The following DNM3 variants were observed in gnomAD, a reference collection of about 807,000 sequenced individuals.
DNM3 encodes the protein dynamin-3.
Under a neutral mutation model 101.6 loss-of-function variants are expected in DNM3, and 47 were observed. That is an observed-to-expected ratio of 0.46 (90% confidence interval 0.37 to 0.59). The LOEUF (loss-of-function observed/expected upper bound fraction) is 0.59. Ranked by LOEUF, DNM3 falls within the 20% of genes least tolerant of loss-of-function variation. DNM3 has a pLI of 0.00. For missense variants in DNM3, 849 were observed against 1,085.7 expected (o/e 0.78, Z 3.06); for synonymous variants, 385 against 387.9 (o/e 0.99, Z 0.09).
chr1:172,005,865 T>C (rs1182804561), intron 4 of DNM3, among the ~76,000 whole-genome samples: 2 of 152,058 alleles, frequency 1.3e-5, no homozygotes, highest in African/African-American at 2.4e-5. Context: ...ATTTGGTTTG[T>C]GAGTGAAGGA....
chr1:172,314,702 G>A (rs1045737140), intron 16 of DNM3, among the ~76,000 whole-genome samples: 1 of 152,242 alleles, frequency 6.6e-6, no homozygotes, highest in Non-Finnish European at 1.5e-5. Context: ...GCCCGCCATT[G>A]CCCAGGCTTG....
chr1:172,315,295 A>G lies in DNM3; in HGVS notation c.1881+6456A>G, dbSNP rs987333287. On this transcript the variant is annotated intron_variant, in intron 16 of 20. Transcript: ENST00000627582. ...ATAAAACCACAAAGATGGGGAAAAA[A>G]CAGAGCAGAAAAACTGGAAACTCTA... Among the ~76,000 whole-genome samples, 6 of 152,212 alleles carry G rather than the reference A, an allele frequency of 3.9e-5. No homozygotes were observed. In the East Asian group the frequency reaches 9.6e-4, roughly 24 times the overall value.
chr1:172,288,979 C>T (rs764271888), intron 15 of DNM3, among the ~76,000 whole-genome samples: 3 of 151,998 alleles, frequency 2.0e-5, no homozygotes, highest in Non-Finnish European at 2.9e-5. Context: ...CATTAAGTTC[C>T]GTTTCCTAAT....
At chr1:172,404,832 T>C (rs973092265) in intron 20 of DNM3, among the ~76,000 whole-genome samples, 5 of 152,116 alleles carry the variant, frequency 3.3e-5, no homozygotes, top group Non-Finnish European at 7.4e-5. Context: ...TACTTTCATA[T>C]TTGTTTTATT....
At chr1:171,846,057 T>C (rs116683269) in intron 1 of DNM3, among the ~76,000 whole-genome samples, 1 of 152,284 alleles carries the variant, frequency 6.6e-6, no homozygotes, top group African/African-American at 2.4e-5. Context: ...ATTAGATAAA[T>C]GGTGCTTACA....
At chr1:172,257,546 T>C (rs2062455357) in intron 15 of DNM3, among the ~76,000 whole-genome samples, 1 of 152,164 alleles carries the variant, frequency 6.6e-6, no homozygotes. Context: ...CTTATGTTAG[T>C]ATAGCTACAC....
intron 15 of DNM3, among the ~76,000 whole-genome samples, chr1:172,305,556 A>G (rs2064761172): frequency 6.6e-6 from 1 of 152,246 alleles, no homozygotes; most frequent in Admixed American, 6.5e-5. Context: ...TCCTGATACC[A>G]AAGCCTGGCA....
intron 13 of DNM3, among the ~76,000 whole-genome samples, chr1:172,099,094 G>A (rs1330575543): frequency 6.6e-6 from 1 of 152,184 alleles, no homozygotes; most frequent in East Asian, 1.9e-4. Context: ...AGCATGGAAG[G>A]TCAAGAGAGA....
At chr1:172,141,746 C>T (rs977662116) in intron 14 of DNM3, among the ~76,000 whole-genome samples, 10 of 151,798 alleles carry the variant, frequency 6.6e-5, no homozygotes, top group African/African-American at 1.9e-4. Context: ...TTATCTGGGC[C>T]GAAAGCCCGA....
At chr1:171,879,295 T>TA (rs1334588245) in intron 1 of DNM3, among the ~76,000 whole-genome samples, 16 of 152,302 alleles carry the variant, frequency 1.1e-4, no homozygotes, top group African/African-American at 3.1e-4. Context: ...TAATTTAATG[T>TA]ATTGAGTAGC....
chr1:171,964,722 A>C (rs898262971), intron 2 of DNM3, among the ~76,000 whole-genome samples: 1 of 152,158 alleles, frequency 6.6e-6, no homozygotes, highest in Non-Finnish European at 1.5e-5. Flanking sequence ...CAAATAATTA[A>C]AAACTATACT....
At chr1:172,417,391 A>G (rs975008261), downstream of DNM3, among the ~76,000 whole-genome samples, 1 of 152,178 alleles carries the variant, frequency 6.6e-6, no homozygotes, top group African/African-American at 2.4e-5. Flanking sequence ...CTAGCTGCAA[A>G]TCATCTCCCT....
At chr1:171,842,986 T>G (rs114532899) in intron 1 of DNM3, among the ~76,000 whole-genome samples, 2,052 of 152,336 alleles carry the variant, frequency 0.013, 52 homozygotes, top group African/African-American at 0.045. Context: ...TTTATTCTTT[T>G]TATTTGGCTC....
intron 1 of DNM3, among the ~76,000 whole-genome samples, chr1:171,875,631 G>C (rs1377922730): frequency 6.6e-6 from 1 of 152,002 alleles, no homozygotes; most frequent in Non-Finnish European, 1.5e-5. Flanking sequence ...ACAACCTTGG[G>C]GAAGTTAATT....
chr1:171,992,460 G>A (rs1028457737), intron 4 of DNM3, among the ~76,000 whole-genome samples: 4 of 151,972 alleles, frequency 2.6e-5, no homozygotes, highest in Non-Finnish European at 5.9e-5. Context: ...GTCATTTTAT[G>A]CCACAAATCT....
chr1:172,246,823 C>T (rs753411073), intron 14 of DNM3, among the ~76,000 whole-genome samples: 1 of 152,080 alleles, frequency 6.6e-6, no homozygotes, highest in African/African-American at 2.4e-5. Context: ...TATATGGAGC[C>T]ATCACATTTT....
At chr1:172,144,542 C>A in intron 14 of DNM3, 2 of 512,574 alleles carry the variant, frequency 3.9e-6, no homozygotes, top group South Asian at 1.5e-5. Context: ...CGTTGCTCTC[C>A]CTTGCCCAGT....
chr1:171,974,884 T>G (rs1017174776), intron 2 of DNM3, among the ~76,000 whole-genome samples: 1 of 151,764 alleles, frequency 6.6e-6, no homozygotes, highest in African/African-American at 2.4e-5. Context: ...TTTTTTGAGT[T>G]GGGGTCTTGG....
intron 13 of DNM3, among the ~76,000 whole-genome samples, chr1:172,108,487 T>G (rs1039448502): frequency 9.2e-5 from 14 of 152,246 alleles, no homozygotes; most frequent in African/African-American, 3.1e-4. Flanking sequence ...CAAAATGGTT[T>G]ATTTGCCTAG....
Sources: gnomAD v4.1 joint callset for allele counts (sites outside exome capture counted in the v4.1 genomes callset) on GRCh38, gnomAD v4.1.1 for gene constraint, MANE v1.5 for transcripts, NCBI Gene and HGNC (gene_info 2026-07-23, HGNC 2026-07-21) for gene names.